The following EML5 variants were observed in gnomAD, a reference collection of about 807,000 sequenced individuals.
EML5 encodes the protein EMAP like 5, also known as echinoderm microtubule-associated protein-like 5.
A neutral mutation model predicts 250.0 loss-of-function variants in EML5; 120 were observed. The observed-to-expected ratio is 0.48, with a 90% confidence interval of 0.41 to 0.56. The LOEUF (loss-of-function observed/expected upper bound fraction) is 0.56. EML5 is among the 20% of genes least tolerant of loss of function. EML5 has a pLI of 0.00. For synonymous variants in EML5, 771 were observed against 806.5 expected (o/e 0.96, Z 0.75); for missense variants, 2,006 against 2,437.6 (o/e 0.82, Z 3.73).
chr14:88,655,819 G>C (rs1276696726), intron 27 of EML5, among the ~76,000 whole-genome samples: 1 of 152,076 alleles, frequency 6.6e-6, no homozygotes, highest in Non-Finnish European at 1.5e-5. Flanking sequence ...GATATGAACA[G>C]ACACTTCTCA....
intron 1 of EML5, among the ~76,000 whole-genome samples, chr14:88,774,582 G>A (rs773444668): frequency 1.3e-5 from 2 of 151,996 alleles, no homozygotes; most frequent in Non-Finnish European, 2.9e-5. Context: ...CATCTTATTG[G>A]ACACAGCTGA....
At position 88,627,657 on chromosome 14, in the gene EML5, C is replaced by T; in HGVS notation, c.4520G>A (p.Arg1507Lys). ...LDPEHTITIW[R>K]WQEGAKIASR... is the part of the protein sequence containing the mutation. ...CAAAAGAATCCTACCTTCCTGCCAT[C>T]TCCAAATGGTAATAGTATGTTCTGG... The change falls in exon 34 of 44, where the codon AGA becomes AAA. Residue 1507 changes from arginine (R) to lysine (K), a missense_variant. Physicochemically the swap from Arg to Lys is conservative, Grantham distance 26. Transcript: ENST00000554922. 3 of 1,597,762 alleles carry T rather than the reference C, an allele frequency of 1.9e-6. No individual in the cohort carries two copies. The highest frequency in any genetic ancestry group is 2.6e-6 in the Non-Finnish European group (3 of 1,175,620).
intron 17 of EML5, among the ~76,000 whole-genome samples, chr14:88,693,763 CTTTTTTTTTTT>C (rs71127002): frequency 2.2e-4 from 14 of 62,862 alleles, no homozygotes; most frequent in African/African-American, 1.1e-3. Context: ...ATGTTAACAT[CTTTTTTTTTTT>C]TTTTTTTTTT....
In EML5 at chr14:88,612,944, A is replaced by G. The variant is rs1394170179; in HGVS notation, c.*2874T>C. The G allele has an allele frequency of 6.6e-6, 1 of 152,264 alleles. No individual in the cohort carries two copies. The highest frequency in any genetic ancestry group is 1.5e-5 in the Non-Finnish European group (1 of 67,994). The allele number at this position is 152,264 out of a possible 1,614,324, so 9.4% of individuals were successfully genotyped here. On this transcript the variant is annotated 3_prime_UTR_variant, in exon 44 of 44. Coordinates refer to ENST00000554922, the MANE Select transcript of EML5 (RefSeq NM_183387.3). Reference sequence around the variant, plus strand: ...GTGGATTAATGCAAAAGGGGTAATAAAGACTGCAACATTCTCAGGACCAAA... The same window carrying G: ...GTGGATTAATGCAAAAGGGGTAATAGAGACTGCAACATTCTCAGGACCAAA...
Position 88,620,221 on chromosome 14 carries a change from C to T in EML5, c.5375+533G>A, listed in dbSNP as rs1330508021. On this transcript the variant is annotated intron_variant, in intron 39 of 43. Coordinates refer to ENST00000554922, the MANE Select transcript of EML5 (RefSeq NM_183387.3). This position sits in a 1 kb window ranked among gnomAD's most constrained non-coding sequence, Gnocchi z 4.3. ...AGATTCAATAATCTTATCTACTGAT[C>T]ACACGGAAGTACTCCGTAAATGGTA... The T allele has an allele frequency of 1.3e-5, 2 of 152,250 alleles. No individual in the cohort carries two copies. Among genetic ancestry groups the T allele is most frequent in the Non-Finnish European group, 2.9e-5 (2 of 68,060 alleles). 9.4% of individuals were successfully genotyped at this position (152,250 alleles called of 1,614,324 possible).
chr14:88,663,602 A>C (rs992653261), intron 23 of EML5, among the ~76,000 whole-genome samples: 5 of 152,206 alleles, frequency 3.3e-5, no homozygotes, highest in African/African-American at 1.2e-4. Flanking sequence ...TAAGTTCTTT[A>C]TGTTATATGA....
chr14:88,663,248 A>C, intron 23 of EML5, 129 bp from the exon 24 acceptor site: 1 of 497,842 alleles, frequency 2.0e-6, no homozygotes, highest in African/African-American at 2.0e-5. Flanking sequence ...GCTGCAGTCA[A>C]CTTATAGTAA....
chr14:88,638,567 C>A (rs1464638805), intron 32 of EML5, among the ~76,000 whole-genome samples: 1 of 152,224 alleles, frequency 6.6e-6, no homozygotes, highest in African/African-American at 2.4e-5. Flanking sequence ...CCAACTATTT[C>A]AACTACCATA....
chr14:88,761,770 A>C (rs983504655), intron 1 of EML5, among the ~76,000 whole-genome samples: 1 of 152,222 alleles, frequency 6.6e-6, no homozygotes, highest in Admixed American at 6.5e-5. Context: ...AGGAATCACC[A>C]CACTGTCTTC....
At chr14:88,776,510 T>C (rs138696592) in intron 1 of EML5, among the ~76,000 whole-genome samples, 84 of 152,000 alleles carry the variant, frequency 5.5e-4, no homozygotes, top group African/African-American at 1.9e-3. Context: ...AATAGCAGAA[T>C]TGATCAAGCA....
At chr14:88,630,228 C>T (rs2090363788) in intron 33 of EML5, among the ~76,000 whole-genome samples, 1 of 151,756 alleles carries the variant, frequency 6.6e-6, no homozygotes, top group Admixed American at 6.6e-5. Flanking sequence ...TGGGGTTTCT[C>T]CATGTTGGTC....
chr14:88,701,398 G>A (rs1595576359), intron 14 of EML5, among the ~76,000 whole-genome samples: 1 of 152,134 alleles, frequency 6.6e-6, no homozygotes, highest in East Asian at 1.9e-4. Flanking sequence ...TTAGGACACT[G>A]TATCACAACT....
chr14:88,746,541 ACCT>A (rs2094007007), intron 2 of EML5, among the ~76,000 whole-genome samples: 1 of 152,066 alleles, frequency 6.6e-6, no homozygotes, highest in African/African-American at 2.4e-5. Flanking sequence ...TCCTAAATAT[ACCT>A]CCTACCAAAA....
In EML5 at chr14:88,660,720, C is replaced by T. The variant is rs191970461; in HGVS notation, c.3675+934G>A. 3.0e-3 allele frequency among the ~76,000 whole-genome samples: 432 copies of T among 146,382 alleles called. 3 individuals carry two copies. The highest frequency in any genetic ancestry group is 0.011 in the African/African-American group (417 of 39,036). ...ATCATGCCACTGCACTCCAGCCTGG[C>T]GACAGAGTGAGACTCCATCTCAGGG... On this transcript the variant is annotated intron_variant, in intron 25 of 43. Transcript: ENST00000554922.
At chr14:88,645,611 T>C (rs2140705259) in intron 29 of EML5, among the ~76,000 whole-genome samples, 1 of 152,328 alleles carries the variant, frequency 6.6e-6, no homozygotes, top group Non-Finnish European at 1.5e-5. Flanking sequence ...TATTTATCTG[T>C]TTCTCCATGC....
chr14:88,615,385 T>C lies in EML5; in HGVS notation c.*433A>G, dbSNP rs76270673. On this transcript the variant is annotated 3_prime_UTR_variant, in exon 44 of 44. Coordinates refer to ENST00000554922, the MANE Select transcript of EML5 (RefSeq NM_183387.3). ...CCCTTTCCTTATGGAAATGCAAGAA[T>C]AAAATATTTCATTAAACAATGAACC... 2,196 of 154,638 alleles carry C rather than the reference T, an allele frequency of 0.014. 115 individuals are homozygous for C. The East Asian group carries it at 0.19, about 13-fold the overall frequency. The allele number at this position is 154,638 out of a possible 1,614,324, so 9.6% of individuals were successfully genotyped here.
chr14:88,735,843 A>G (rs2093830641), intron 7 of EML5, among the ~76,000 whole-genome samples: 1 of 152,188 alleles, frequency 6.6e-6, no homozygotes, highest in African/African-American at 2.4e-5. Flanking sequence ...CCTGTTAAAA[A>G]GGAGGAGGTA....
intron 17 of EML5, among the ~76,000 whole-genome samples, chr14:88,693,407 G>C (rs567311732): frequency 7.2e-5 from 11 of 152,160 alleles, no homozygotes; most frequent in Non-Finnish European, 1.6e-4. Flanking sequence ...CTTATGCAGG[G>C]GAACTCCCAT....
intron 1 of EML5, among the ~76,000 whole-genome samples, chr14:88,759,318 T>A (rs1005874630): frequency 2.0e-5 from 3 of 152,142 alleles, no homozygotes; most frequent in Non-Finnish European, 4.4e-5. Flanking sequence ...TTTATCTTCA[T>A]CTTGTTTTCT....
Sources: gnomAD v4.1 joint callset for allele counts (sites outside exome capture counted in the v4.1 genomes callset) on GRCh38, gnomAD v4.1.1 for gene constraint, Gnocchi (gnomAD v3.1) non-coding constraint, MANE v1.5 for transcripts, NCBI Gene and HGNC (gene_info 2026-07-23, HGNC 2026-07-21) for gene names.